Variants in GOSR1 observed in about 807,000 individuals in gnomAD.
GOSR1 encodes golgi SNAP receptor complex member 1, also known as 28 kDa Golgi SNARE protein.
GOSR1 carries 21 observed loss-of-function variants against 35.5 expected under a neutral mutation model. The ratio of observed to expected loss-of-function variants is 0.59; its 90% CI spans 0.42 to 0.85. The LOEUF (loss-of-function observed/expected upper bound fraction) is 0.85, where lower values mean the gene tolerates loss of function less well. GOSR1 is among the 40% of genes least tolerant of loss of function. The pLI is 0.00. For missense variants in GOSR1, 285 were observed against 309.6 expected (o/e 0.92, Z 0.60); for synonymous variants, 94 against 106.6 (o/e 0.88, Z 0.73).
At chr17:30,516,751 T>C (rs1967832972) in intron 7 of GOSR1, among the ~76,000 whole-genome samples, 2 of 152,094 alleles carry the variant, frequency 1.3e-5, no homozygotes, top group South Asian at 4.1e-4. Context: ...TCTTGTGTTG[T>C]CACCCAAGCT....
At chr17:30,511,619 T>G (rs1567913636) in intron 7 of GOSR1, among the ~76,000 whole-genome samples, 1 of 151,976 alleles carries the variant, frequency 6.6e-6, no homozygotes, top group African/African-American at 2.4e-5. Context: ...AACCTCCGCC[T>G]CCTGGGTTCA....
At chr17:30,496,282 C>T (rs1966995888) in intron 6 of GOSR1, among the ~76,000 whole-genome samples, 1 of 152,160 alleles carries the variant, frequency 6.6e-6, no homozygotes, top group South Asian at 2.1e-4. Flanking sequence ...GCACTCATTC[C>T]CGCTTTAGCC....
chr17:30,519,938 G>T lies in GOSR1; in HGVS notation c.540-1G>T. 6.3e-7 allele frequency: 1 copy of T among 1,582,410 alleles called. No homozygotes were observed. The highest frequency in any genetic ancestry group is 8.7e-7 in the Non-Finnish European group (1 of 1,152,102). Reference sequence around the variant, plus strand: ...TTTGTCATCTTTTTTTCCCCTTGCAGCATTGCTATGGCAACAAAAGAAAAT... The same window carrying T: ...TTTGTCATCTTTTTTTCCCCTTGCATCATTGCTATGGCAACAAAAGAAAAT... On this transcript the variant is annotated splice_acceptor_variant, in intron 7 of 8. Transcript: ENST00000451249. LOFTEE classifies it high-confidence loss of function.
At chr17:30,501,259 A>G (rs1967194696) in intron 6 of GOSR1, among the ~76,000 whole-genome samples, 1 of 152,164 alleles carries the variant, frequency 6.6e-6, no homozygotes. Flanking sequence ...AGATATACAG[A>G]TGATAAATTA....
At chr17:30,505,684 G>A (rs1967375190) in intron 6 of GOSR1, among the ~76,000 whole-genome samples, 1 of 152,176 alleles carries the variant, frequency 6.6e-6, no homozygotes, top group Admixed American at 6.6e-5. Context: ...CAACCTCACT[G>A]ATAGAAGAGG....
At chr17:30,518,446 A>C (rs565538252) in intron 7 of GOSR1, among the ~76,000 whole-genome samples, 1 of 152,268 alleles carries the variant, frequency 6.6e-6, no homozygotes, top group South Asian at 2.1e-4. Flanking sequence ...TTAAAAAAAA[A>C]AAAAAATAGA....
At chr17:30,508,199 T>C (rs993176872) in intron 6 of GOSR1, among the ~76,000 whole-genome samples, 1 of 152,250 alleles carries the variant, frequency 6.6e-6, no homozygotes, top group Non-Finnish European at 1.5e-5. Context: ...TCATTATTCT[T>C]AACAAAATTA....
chr17:30,480,608 C>T (rs1222714316), intron 1 of GOSR1, among the ~76,000 whole-genome samples: 2 of 152,042 alleles, frequency 1.3e-5, no homozygotes, highest in Non-Finnish European at 2.9e-5. Context: ...AGTAAAGCTG[C>T]GAAGTTGCAT....
At chr17:30,508,680 A>G (rs1967498366) in intron 6 of GOSR1, among the ~76,000 whole-genome samples, 1 of 152,240 alleles carries the variant, frequency 6.6e-6, no homozygotes, top group Admixed American at 6.5e-5. Context: ...AATTTATATC[A>G]ATTTTCTGCT....
At chr17:30,484,961 A>C (rs1272244126) in intron 4 of GOSR1, 191 bp downstream of exon 4, 1 of 619,582 alleles carries the variant, frequency 1.6e-6, no homozygotes, top group East Asian at 3.0e-5. Flanking sequence ...GAAAATATCT[A>C]ATAGCTCTTG....
rs1968199317 is a variant in GOSR1, at chr17:30,527,335, C to CA, written c.*4958dup. 6.6e-6 allele frequency: 1 copy of CA among 152,196 alleles called. No homozygotes were observed. The highest frequency in any genetic ancestry group is 1.5e-5 in the Non-Finnish European group (1 of 68,040). The allele number at this position is 152,196 out of a possible 1,614,324, so 9.4% of individuals were successfully genotyped here. ...TGCCACTGTACTCCAGCCTGGGTGA[C>CA]AGAGACCCTGTCTCAAAAATAAATT... On this transcript the variant is annotated 3_prime_UTR_variant, in exon 9 of 9. Coordinates refer to ENST00000451249, the MANE Select transcript of GOSR1 (RefSeq NM_001007025.2).
At chr17:30,521,167 CT>C (rs71360748) in intron 8 of GOSR1, among the ~76,000 whole-genome samples, 3,936 of 63,806 alleles carry the variant, frequency 0.062, 94 homozygotes, top group African/African-American at 0.14. Context: ...TTCTCTCTCT[CT>C]TTTTTTTTTT....
intron 6 of GOSR1, among the ~76,000 whole-genome samples, chr17:30,509,405 G>A (rs1461037872): frequency 3.3e-5 from 5 of 152,170 alleles, no homozygotes; most frequent in East Asian, 1.9e-4. Context: ...CACAGCACCC[G>A]GCCGGTATTT....
At chr17:30,477,510 G>A (rs1320266597) in intron 1 of GOSR1, 46 bp downstream of exon 1, 1 of 1,590,530 alleles carries the variant, frequency 6.3e-7, no homozygotes, top group East Asian at 2.3e-5. Flanking sequence ...GGGTGAGAGG[G>A]GCTGAGTGAG....
intron 4 of GOSR1, 50 bp downstream of exon 4, chr17:30,484,820 T>G: frequency 4.1e-6 from 4 of 983,384 alleles, no homozygotes; most frequent in African/African-American, 1.6e-5. Flanking sequence ...GTTTGGGTTT[T>G]TTTTTTTTTA....
At chr17:30,522,023 T>TCC (rs1968055666) in intron 8 of GOSR1, among the ~76,000 whole-genome samples, 1 of 152,182 alleles carries the variant, frequency 6.6e-6, no homozygotes, top group Admixed American at 6.5e-5. Context: ...ATTACTATTC[T>TCC]TATTTGTGTT....
intron 5 of GOSR1, among the ~76,000 whole-genome samples, chr17:30,491,251 T>A (rs1282395044): frequency 2.0e-5 from 3 of 152,252 alleles, no homozygotes; most frequent in Non-Finnish European, 4.4e-5. Context: ...ATCACTAGAA[T>A]GCAACCCATT....
intron 7 of GOSR1, among the ~76,000 whole-genome samples, chr17:30,517,591 ATT>A (rs569883459): frequency 1.4e-5 from 2 of 144,236 alleles, no homozygotes; most frequent in Non-Finnish European, 1.5e-5. Flanking sequence ...GTTTTGGGGG[ATT>A]TTTTTTTTTT....
intron 5 of GOSR1, 166 bp downstream of exon 5, chr17:30,490,383 T>G: frequency 4.1e-6 from 2 of 485,854 alleles, no homozygotes; most frequent in Non-Finnish European, 7.5e-6. Context: ...GTCATCCTAA[T>G]CTACTTTTCC....
Sources: allele counts gnomAD v4.1 joint callset (sites outside exome capture counted in the v4.1 genomes callset), GRCh38; gene constraint gnomAD v4.1.1; transcripts MANE v1.5; gene names NCBI Gene and HGNC (gene_info 2026-07-23, HGNC 2026-07-21).